The following C10orf71 variants were observed in gnomAD, a reference collection of about 807,000 sequenced individuals.
C10orf71 encodes the protein chromosome 10 open reading frame 71.
For synonymous variants in C10orf71, 758 were observed against 726.3 expected, an observed-to-expected ratio of 1.04 and a Z score of -0.70; for missense variants, 1,869 against 1,804.5, an observed-to-expected ratio of 1.04 and a Z score of -0.65.
upstream of C10orf71, among the ~76,000 whole-genome samples, chr10:49,298,219 G>A (rs957536621): frequency 3.9e-5 from 6 of 152,220 alleles, no homozygotes; most frequent in African/African-American, 1.4e-4. Context: ...CAAAGACACA[G>A]CACACTGCAA....
intron 1 of C10orf71, among the ~76,000 whole-genome samples, chr10:49,315,140 G>A (rs1038862266): frequency 3.9e-5 from 6 of 152,162 alleles, no homozygotes; most frequent in South Asian, 2.1e-4. Flanking sequence ...GGGCCTCGCC[G>A]TATGGTGGTA....
chr10:49,315,773 G>A (rs1420989764), intron 1 of C10orf71, among the ~76,000 whole-genome samples: 3 of 152,160 alleles, frequency 2.0e-5, no homozygotes, highest in Admixed American at 6.6e-5. Context: ...AAGATACTTT[G>A]GGTCAGGCAT....
At chr10:49,310,487 A>G (rs1267515623) in intron 1 of C10orf71, among the ~76,000 whole-genome samples, 1 of 152,176 alleles carries the variant, frequency 6.6e-6, no homozygotes, top group Non-Finnish European at 1.5e-5. Flanking sequence ...ACTCGTCCCC[A>G]GTTCTTCCCT....
rs577490645 is a variant in C10orf71, at chr10:49,317,809, C to T, written c.-145+1562C>T. Among the ~76,000 whole-genome samples, 11 of 152,218 alleles carry T rather than the reference C, an allele frequency of 7.2e-5. No homozygotes were observed. The East Asian group carries it at 1.9e-3, about 27-fold the overall frequency. On this transcript the variant is annotated intron_variant, in intron 2 of 2. Transcript: ENST00000374144. ...GAGGCTGCAGTAAGCTATGATTACG[C>T]CACTACACTCCAGCCTGGGTGACAG...
intron 1 of C10orf71, among the ~76,000 whole-genome samples, chr10:49,307,587 G>A (rs1484670015): frequency 1.3e-5 from 2 of 152,240 alleles, no homozygotes; most frequent in African/African-American, 4.8e-5. Flanking sequence ...GGAGCCTGCT[G>A]GGATGCAGAG....
Position 49,326,858 on chromosome 10 carries a change from C to T in C10orf71, c.*5C>T. 2.0e-6 allele frequency: 3 copies of T among 1,532,522 alleles called. No homozygotes were observed. Among genetic ancestry groups the T allele is most frequent in the African/African-American group, 1.4e-5 (1 of 72,576 alleles). 94.9% of individuals were successfully genotyped at this position (1,532,522 alleles called of 1,614,324 possible). A position where few individuals can be genotyped will look rare whatever the true frequency, so the allele number is the denominator to read the frequency against. ...GCCACAGAAGGCATTTCTTGAGTTA[C>T]TGCAGGCTGTCCCCCACCCCCAGAT... On this transcript the variant is annotated 3_prime_UTR_variant, in exon 3 of 3. Coordinates refer to ENST00000374144, the MANE Select transcript of C10orf71 (RefSeq NM_001135196.2).
chr10:49,312,393 G>GGACTC (rs1848930410), intron 1 of C10orf71, among the ~76,000 whole-genome samples: 2 of 152,246 alleles, frequency 1.3e-5, no homozygotes, highest in African/African-American at 4.8e-5. Flanking sequence ...GAGGTCTGCA[G>GGACTC]AACATGGCGC....
chr10:49,303,673 C>T (rs1848765470), intron 1 of C10orf71, among the ~76,000 whole-genome samples: 1 of 152,228 alleles, frequency 6.6e-6, no homozygotes, highest in Admixed American at 6.5e-5. Flanking sequence ...AAGTTTTTCA[C>T]ATCAACACAG....
Position 49,326,606 on chromosome 10 carries a change from A to T in C10orf71, c.4061A>T (p.Gln1354Leu), listed in dbSNP as rs1849256804. The T allele has an allele frequency of 1.9e-6, 3 of 1,550,208 alleles. No homozygotes were observed. Among genetic ancestry groups the T allele is most frequent in the Non-Finnish European group, 1.7e-6 (2 of 1,146,822 alleles). ...TTGATGCCGCTGCGCTGCTCCTCTC[A>T]GCTCTCCGCGCCCACCTTCCTCAGG... ...TALMPLRCSS[Q>L]LSAPTFLRQG... The change falls in exon 3 of 3, where the codon CAG becomes CTG. Residue 1354 changes from glutamine to leucine, a missense_variant. Coordinates refer to ENST00000374144, the MANE Select transcript of C10orf71 (RefSeq NM_001135196.2).
At chr10:49,298,879 A>AGGGCTCT (rs1042108422), upstream of C10orf71, 2 of 152,160 alleles carry the variant, frequency 1.3e-5, no homozygotes, top group African/African-American at 4.8e-5. Context: ...GGACATCAGC[A>AGGGCTCT]GGGCTCTGGG....
intron 1 of C10orf71, among the ~76,000 whole-genome samples, chr10:49,306,223 C>T (rs1329394143): frequency 6.6e-6 from 1 of 152,226 alleles, no homozygotes; most frequent in Non-Finnish European, 1.5e-5. Flanking sequence ...TTGGCTGACT[C>T]CAGCATCGAG....
At chr10:49,300,936 G>A (rs1043082057) in intron 1 of C10orf71, among the ~76,000 whole-genome samples, 1 of 152,166 alleles carries the variant, frequency 6.6e-6, no homozygotes, top group Non-Finnish European at 1.5e-5. Context: ...AGAGTAGACA[G>A]GAAGGCCAGA....
In C10orf71 at chr10:49,325,227, G is replaced by A. The variant is rs1328587116; in HGVS notation, c.2682G>A (p.Leu894=). The A allele has an allele frequency of 1.3e-6, 2 of 1,551,830 alleles. No homozygotes were observed. Among genetic ancestry groups the A allele is most frequent in the Admixed American group, 2.0e-5 (1 of 50,996 alleles). The change falls in exon 3 of 3, where the codon TTG becomes TTA. Residue 894 remains leucine (L), a synonymous_variant. Coordinates refer to ENST00000374144, the MANE Select transcript of C10orf71 (RefSeq NM_001135196.2). Reference sequence around the variant, plus strand: ...GCAGTGGCCACAAAGAGGAGGAATTGCCAAGGCCAGAATGGGGTGAGGATC... The same window carrying A: ...GCAGTGGCCACAAAGAGGAGGAATTACCAAGGCCAGAATGGGGTGAGGATC... ...SLSSGHKEEE[L]PRPEWGEDPG...
intron 1 of C10orf71, among the ~76,000 whole-genome samples, chr10:49,299,980 G>A (rs1185093400): frequency 6.6e-6 from 1 of 152,212 alleles, no homozygotes; most frequent in Non-Finnish European, 1.5e-5. Context: ...ACCCTGGGAG[G>A]GCCCCCACCA....
In C10orf71 at chr10:49,325,371, G is replaced by C. The variant is rs752544379; in HGVS notation, c.2826G>C (p.Ser942=). Residue 942 remains serine, a synonymous_variant, in exon 3 of 3, where the codon TCG becomes TCC. Transcript: ENST00000374144. ...NEVMEDPGQG[S]SMARMEASQP... ...TCATGGAGGACCCTGGGCAGGGGTC[G>C]AGCATGGCCAGGATGGAGGCCTCTC... 1.9e-6 allele frequency: 3 copies of C among 1,551,698 alleles called. No homozygotes were observed. The highest frequency in any genetic ancestry group is 2.6e-6 in the Non-Finnish European group (3 of 1,146,964).
chr10:49,321,814 C>A (rs1849098017), intron 2 of C10orf71, among the ~76,000 whole-genome samples: 1 of 152,058 alleles, frequency 6.6e-6, no homozygotes. Flanking sequence ...GATGGTGAGC[C>A]CCTTTTTATA....
In C10orf71 at chr10:49,323,730, A is replaced by G; in HGVS notation, c.1185A>G (p.Gln395=). ...KTGKKGKESL[Q]DTLEEKTQTN... is the part of the protein sequence containing the mutation. Reference sequence around the variant, plus strand: ...GCAAAAAAGGGAAAGAAAGTCTACAAGATACTTTAGAAGAAAAGACACAGA... The same window carrying G: ...GCAAAAAAGGGAAAGAAAGTCTACAGGATACTTTAGAAGAAAAGACACAGA... The change falls in exon 3 of 3, where the codon CAA becomes CAG. Residue 395 remains glutamine (Q), a synonymous_variant. Transcript: ENST00000374144. 6.2e-7 allele frequency: 1 copy of G among 1,614,034 alleles called. No individual in the cohort carries two copies.
rs760244809 is a variant in C10orf71 at position 49,326,616 on chromosome 10, G to T, written c.4071G>T (p.Ala1357=). 1.3e-6 allele frequency: 2 copies of T among 1,550,128 alleles called. No individual in the cohort carries two copies. The highest frequency in any genetic ancestry group is 2.4e-5 in the South Asian group (2 of 84,028). The change falls in exon 3 of 3, where the codon GCG becomes GCT. Residue 1357 remains alanine (A), a synonymous_variant. Transcript: ENST00000374144. ...TGCGCTGCTCCTCTCAGCTCTCCGC[G>T]CCCACCTTCCTCAGGCAGGGCCCTC... The part of the protein sequence containing the change: ...MPLRCSSQLS[A]PTFLRQGPRA...
intron 1 of C10orf71, among the ~76,000 whole-genome samples, chr10:49,305,603 G>T (rs752929664): frequency 5.9e-5 from 9 of 152,194 alleles, no homozygotes; most frequent in Non-Finnish European, 1.2e-4. Context: ...CTAGGCATAG[G>T]CACTGTGTGG....
Sources: gnomAD v4.1 joint callset for allele counts (sites outside exome capture counted in the v4.1 genomes callset) on GRCh38, gnomAD v4.1.1 for gene constraint, MANE v1.5 for transcripts, NCBI Gene and HGNC (gene_info 2026-07-23, HGNC 2026-07-21) for gene names.